AGBL1: variants seen among roughly 807,000 people sequenced by gnomAD.
AGBL1 encodes the protein cytosolic carboxypeptidase 4.
Under a neutral mutation model 118.9 loss-of-function variants are expected in AGBL1, and 130 were observed. That is an observed-to-expected ratio of 1.09 (90% CI 0.95 to 1.26). The LOEUF (loss-of-function observed/expected upper bound fraction) is 1.26, where lower values mean the gene tolerates loss of function less well. Ranked by LOEUF, AGBL1 falls within the 50% of genes most tolerant of loss-of-function variation. The pLI, the probability that AGBL1 is intolerant of heterozygous loss-of-function variation, is 0.00. For synonymous variants in AGBL1, 555 were observed against 478.9 expected, an observed-to-expected ratio of 1.16 and a Z score of -2.08; for missense variants, 1,584 against 1,298.1, an observed-to-expected ratio of 1.22 and a Z score of -3.38.
At chr15:86,986,124 A>G (rs2081279818) in intron 23 of AGBL1, among the ~76,000 whole-genome samples, 1 of 152,082 alleles carries the variant, frequency 6.6e-6, no homozygotes, top group East Asian at 1.9e-4. Flanking sequence ...GGGTTTCGCC[A>G]CGTTGGCCAG....
At chr15:86,712,667 G>A (rs1286731532) in intron 22 of AGBL1, among the ~76,000 whole-genome samples, 2 of 152,174 alleles carry the variant, frequency 1.3e-5, no homozygotes, top group Non-Finnish European at 2.9e-5. Flanking sequence ...GTCAGCTTGT[G>A]TTCAGAGGGC....
intron 17 of AGBL1, among the ~76,000 whole-genome samples, chr15:86,306,752 A>G (rs373099891): frequency 1.2e-4 from 19 of 152,252 alleles, no homozygotes; most frequent in Middle Eastern, 3.4e-3. Flanking sequence ...ACTGTTTTCC[A>G]TAGTGGTTGT....
chr15:86,688,363 G>C (rs958020668), intron 22 of AGBL1, among the ~76,000 whole-genome samples: 2 of 152,014 alleles, frequency 1.3e-5, no homozygotes, highest in African/African-American at 4.8e-5. Context: ...GTGAGAGAGG[G>C]AACTCTGAAT....
chr15:86,202,607 G>T (rs375788721), intron 5 of AGBL1, among the ~76,000 whole-genome samples: 3 of 152,294 alleles, frequency 2.0e-5, no homozygotes, highest in South Asian at 4.1e-4. Flanking sequence ...ACAATGCTTT[G>T]TCAAACAGGG....
At chr15:86,281,622 G>A (rs547221857) in intron 16 of AGBL1, among the ~76,000 whole-genome samples, 17 of 152,226 alleles carry the variant, frequency 1.1e-4, no homozygotes, top group Middle Eastern at 3.4e-3. Context: ...CACCCTTAAC[G>A]TTTATAGATG....
chr15:86,111,939 C>T (rs542719852), intron 1 of AGBL1, among the ~76,000 whole-genome samples: 14 of 152,232 alleles, frequency 9.2e-5, no homozygotes, highest in Admixed American at 2.0e-4. Flanking sequence ...CATAGGAGCA[C>T]GAGCCCTGTC....
intron 17 of AGBL1, among the ~76,000 whole-genome samples, chr15:86,334,027 T>G (rs117324072): frequency 0.045 from 6,838 of 152,196 alleles, 290 homozygotes; most frequent in East Asian, 0.21. Context: ...AAGGAACATA[T>G]CTCAAAATAG....
intron 17 of AGBL1, among the ~76,000 whole-genome samples, chr15:86,373,853 A>G (rs544174116): frequency 6.6e-6 from 1 of 152,302 alleles, no homozygotes; most frequent in South Asian, 2.1e-4. Flanking sequence ...TGAAACCTAT[A>G]AAACCCCTTT....
chr15:86,489,519 A>G (rs1044401210), intron 18 of AGBL1, among the ~76,000 whole-genome samples: 7 of 152,166 alleles, frequency 4.6e-5, no homozygotes, highest in Non-Finnish European at 1.0e-4. Flanking sequence ...AACCAGAAGG[A>G]GCAATGGCAT....
chr15:86,812,296 C>G (rs1438378868), intron 22 of AGBL1, among the ~76,000 whole-genome samples: 1 of 152,032 alleles, frequency 6.6e-6, no homozygotes, highest in Non-Finnish European at 1.5e-5. Flanking sequence ...ATTCTGACAC[C>G]CCAATATGGT....
intron 22 of AGBL1, among the ~76,000 whole-genome samples, chr15:86,761,963 T>C (rs987072290): frequency 6.6e-6 from 1 of 152,110 alleles, no homozygotes; most frequent in Non-Finnish European, 1.5e-5. Flanking sequence ...TTTTATAGTT[T>C]TGGGTTTTAC....
intron 5 of AGBL1, among the ~76,000 whole-genome samples, chr15:86,177,360 T>C (rs972376618): frequency 1.3e-5 from 2 of 152,192 alleles, no homozygotes; most frequent in Non-Finnish European, 2.9e-5. Context: ...GAGATTTTAA[T>C]AACCCTTTCT....
chr15:86,594,354 A>G (rs2084378664), intron 21 of AGBL1, among the ~76,000 whole-genome samples: 1 of 152,092 alleles, frequency 6.6e-6, no homozygotes. Flanking sequence ...TCTATTTGTA[A>G]TTTTCTTTTT....
chr15:86,569,541 CTTTTG>C (rs1259812917), intron 21 of AGBL1, among the ~76,000 whole-genome samples: 4 of 152,018 alleles, frequency 2.6e-5, no homozygotes, highest in Non-Finnish European at 5.9e-5. Flanking sequence ...GCTGTTGTCT[CTTTTG>C]TTTTGTTTTT....
chr15:86,955,901 C>T lies in AGBL1; in HGVS notation c.3222-32086C>T, dbSNP rs528740770. ...TTCAATAATATATATGTTATTGTGG[C>T]CATGGAGAAACTCCTGCTGGTGGGA... is the stretch of plus-strand genomic sequence containing the variant. On this transcript the variant is annotated intron_variant, in intron 23 of 24. Coordinates refer to the AGBL1 transcript ENST00000441037. Among the ~76,000 whole-genome samples, 3 of 152,070 alleles carry T rather than the reference C, an allele frequency of 2.0e-5. No homozygotes were observed. In the South Asian group the frequency reaches 6.2e-4, roughly 32 times the overall value.
intron 22 of AGBL1, among the ~76,000 whole-genome samples, chr15:86,816,255 A>T (rs1022978390): frequency 2.0e-5 from 3 of 152,240 alleles, no homozygotes; most frequent in African/African-American, 7.2e-5. Flanking sequence ...AAGGACCAAG[A>T]GAGCCTTCTG....
intron 21 of AGBL1, among the ~76,000 whole-genome samples, chr15:86,651,152 A>G (rs1201681901): frequency 6.6e-6 from 1 of 152,120 alleles, no homozygotes; most frequent in Non-Finnish European, 1.5e-5. Flanking sequence ...AATGCATCTC[A>G]TCTGACCACA....
At chr15:86,092,235 A>G (rs1385410564) in intron 1 of AGBL1, among the ~76,000 whole-genome samples, 1 of 152,176 alleles carries the variant, frequency 6.6e-6, no homozygotes, top group Non-Finnish European at 1.5e-5. Flanking sequence ...TTTGAATCTC[A>G]GAAGATTTGT....
Position 86,684,021 on chromosome 15 carries a change from G to C in AGBL1, c.3158+9585G>C, listed in dbSNP as rs560505260. On this transcript the variant is annotated intron_variant, in intron 22 of 22. Transcript: ENST00000614907. The stretch of plus-strand genomic sequence containing the variant: ...TAGGTCAAAGCCATTTTACTGGTGA[G>C]AGCAAATCTACCAGATGTGCTAGAG... Among the ~76,000 whole-genome samples the C allele has an allele frequency of 4.6e-5, 7 of 152,078 alleles. No homozygotes were observed. In the South Asian group the frequency reaches 1.2e-3, roughly 27 times the overall value.
Sources: allele counts gnomAD v4.1 joint callset (sites outside exome capture counted in the v4.1 genomes callset), GRCh38; gene constraint gnomAD v4.1.1; transcripts MANE v1.5; gene names NCBI Gene and HGNC (gene_info 2026-07-23, HGNC 2026-07-21).